The following CDK3 variants were observed in gnomAD, a reference collection of about 807,000 sequenced individuals.
CDK3 encodes the protein cyclin-dependent kinase 3.
Under a neutral mutation model 30.2 loss-of-function variants are expected in CDK3, and 24 were observed. The ratio of observed to expected loss-of-function variants is 0.79; its 90% confidence interval spans 0.57 to 1.12. The LOEUF is 1.12. CDK3 is among the 50% of genes most tolerant of loss of function. The pLI, the probability that CDK3 is intolerant of heterozygous loss-of-function variation, is 0.00. For missense variants in CDK3, 345 were observed against 376.0 expected (o/e 0.92, Z 0.68); for synonymous variants, 158 against 154.2 (o/e 1.02, Z -0.18).
chr17:76,004,869 G>A (rs564058965), intron 7 of CDK3, among the ~76,000 whole-genome samples: 2 of 152,290 alleles, frequency 1.3e-5, no homozygotes, highest in East Asian at 1.9e-4. Flanking sequence ...ACCACAGGGG[G>A]TCCTTCCACA....
intron 7 of CDK3, among the ~76,000 whole-genome samples, chr17:76,004,043 TG>T (rs2066286391): frequency 6.6e-6 from 1 of 151,938 alleles, no homozygotes; most frequent in Admixed American, 6.6e-5. Flanking sequence ...TGTGCCCGGC[TG>T]GGGCCTCTCG....
chr17:76,003,163 G>T, intron 6 of CDK3, 32 bp from the exon 7 acceptor site: 2 of 1,591,212 alleles, frequency 1.3e-6, no homozygotes, highest in Non-Finnish European at 1.7e-6. Context: ...CAAAGTGGCG[G>T]ACCCCACACC....
chr17:76,003,108 C>A, intron 6 of CDK3, 87 bp from the exon 7 acceptor site: 1 of 1,068,476 alleles, frequency 9.4e-7, no homozygotes, highest in Non-Finnish European at 1.4e-6. Flanking sequence ...CTTGACAGGC[C>A]TCTCCCTGGG....
chr17:76,002,036 TG>T lies in CDK3; in HGVS notation c.210del (p.His71ThrfsTer17). On this transcript the variant is annotated frameshift_variant, in exon 4 of 8. Coordinates refer to ENST00000448471, the MANE Select transcript of CDK3 (RefSeq NM_001258.4). LOFTEE classifies it high-confidence loss of function. The surrounding 1 kb of genome is among the most constrained non-coding windows in gnomAD (Gnocchi z 4.3). ...HPNIVRLLDVVHNERKLYLVF... is the reference protein window; with the variant it reads ...HPNIVRLLDVXHNERKLYLVF... ...CTCCCTGTCAGACTGCTGGACGTGG[TG>T]CACAACGAGAGGAAGCTCTATCTGG... 1 of 1,613,952 alleles carries T rather than the reference TG, an allele frequency of 6.2e-7. No individual in the cohort carries two copies. The highest frequency in any genetic ancestry group is 1.3e-5 in the African/African-American group (1 of 74,972).
Position 76,005,346 on chromosome 17 carries a change from C to A in CDK3, c.841C>A (p.Leu281Met). The A allele has an allele frequency of 6.2e-7, 1 of 1,614,136 alleles. No individual in the cohort carries two copies. Among genetic ancestry groups the A allele is most frequent in the Non-Finnish European group, 8.5e-7 (1 of 1,180,002 alleles). ...CCAGCGGATCACAGCCAAGACTGCCCTGGCCCACCCGTACTTCTCATCCCC... is the reference window on the plus strand; with the variant it reads ...CCAGCGGATCACAGCCAAGACTGCCATGGCCCACCCGTACTTCTCATCCCC... ...PSQRITAKTA[L>M]AHPYFSSPEP... The change falls in exon 8 of 8, where the codon CTG (leucine) becomes ATG (methionine). Residue 281 changes from leucine to methionine, a missense_variant. By Grantham distance (15) the Leu-to-Met change is conservative. Coordinates refer to ENST00000448471, the MANE Select transcript of CDK3 (RefSeq NM_001258.4). This position sits in a 1 kb window ranked among gnomAD's most constrained non-coding sequence, Gnocchi z 4.7.
Position 76,002,479 on chromosome 17 carries a change from AC to A in CDK3, c.487-29del. The A allele has an allele frequency of 6.5e-7, 1 of 1,550,360 alleles. No individual in the cohort carries two copies. Among genetic ancestry groups the A allele is most frequent in the Non-Finnish European group, 8.9e-7 (1 of 1,122,472 alleles). On this transcript the variant is annotated intron_variant, in intron 5 of 7. Coordinates refer to ENST00000448471, the MANE Select transcript of CDK3 (RefSeq NM_001258.4). The surrounding 1 kb of genome is among the most constrained non-coding windows in gnomAD (Gnocchi z 4.3). Reference sequence around the variant, plus strand: ...AGGAGTGTCACCCATGCACTCAGCCACCCTGAGTGATACTGTTTCTTTGCCC... The same window carrying A: ...AGGAGTGTCACCCATGCACTCAGCCACCTGAGTGATACTGTTTCTTTGCCC...
chr17:76,005,363 C>G lies in CDK3; in HGVS notation c.858C>G (p.Phe286Leu). 1 of 1,614,154 alleles carries G rather than the reference C, an allele frequency of 6.2e-7. No homozygotes were observed. The highest frequency in any genetic ancestry group is 8.5e-7 in the Non-Finnish European group (1 of 1,180,012). ...TAKTALAHPY[F>L]SSPEPSPAAR... Reference sequence around the variant, plus strand: ...AGACTGCCCTGGCCCACCCGTACTTCTCATCCCCTGAGCCCTCCCCAGCTG... The same window carrying G: ...AGACTGCCCTGGCCCACCCGTACTTGTCATCCCCTGAGCCCTCCCCAGCTG... Residue 286 changes from phenylalanine to leucine, a missense_variant, in exon 8 of 8, where the codon TTC becomes TTG. By Grantham distance (22) the Phe-to-Leu change is conservative. Coordinates refer to ENST00000448471, the MANE Select transcript of CDK3 (RefSeq NM_001258.4). The surrounding 1 kb of genome is among the most constrained non-coding windows in gnomAD (Gnocchi z 4.7).
chr17:76,003,499 C>G, intron 7 of CDK3, 101 bp downstream of exon 7: 1 of 914,820 alleles, frequency 1.1e-6, no homozygotes, highest in Non-Finnish European at 1.7e-6. Flanking sequence ...AGGCCAGGGT[C>G]TCTTTCCTGA....
chr17:76,005,781 G>A lies in CDK3; in HGVS notation c.*358G>A, dbSNP rs552061773. On this transcript the variant is annotated 3_prime_UTR_variant, in exon 8 of 8. Transcript: ENST00000448471. The surrounding 1 kb of genome is among the most constrained non-coding windows in gnomAD (Gnocchi z 4.7). ...AGACCCTGAGGAAAGGGCGCCCCCTGCTGGTCTTTTTGGATTTAAAATGTT... is the reference window on the plus strand; with the variant it reads ...AGACCCTGAGGAAAGGGCGCCCCCTACTGGTCTTTTTGGATTTAAAATGTT... 180 of 204,046 alleles carry A rather than the reference G, an allele frequency of 8.8e-4. 1 individual carries two copies. The highest frequency in any genetic ancestry group is 4.0e-3 in the African/African-American group (174 of 43,420). The allele number at this position is 204,046 out of a possible 1,614,324, so 12.6% of individuals were successfully genotyped here.
Position 76,001,319 on chromosome 17 carries a change from G to A in CDK3, c.-14-93G>A, listed in dbSNP as rs1380881217. The A allele has an allele frequency of 2.6e-6, 4 of 1,566,918 alleles. No individual in the cohort carries two copies. The Admixed American group carries it at 7.5e-5, about 30-fold the overall frequency. On this transcript the variant is annotated intron_variant, in intron 1 of 7. Coordinates refer to ENST00000448471, the MANE Select transcript of CDK3 (RefSeq NM_001258.4). The surrounding 1 kb of genome is among the most constrained non-coding windows in gnomAD (Gnocchi z 6.2). ...CTTGGGAGCTGGGCAGTCTGGGCTG[G>A]GCTGGGCTGGGCAGGGCGCCACATG...
At chr17:76,003,919 T>A (rs1461372230) in intron 7 of CDK3, among the ~76,000 whole-genome samples, 1 of 149,130 alleles carries the variant, frequency 6.7e-6, no homozygotes, top group Non-Finnish European at 1.5e-5. Context: ...ATTTTTGTAT[T>A]TTTTTTTTTA....
Position 76,001,218 on chromosome 17 carries a change from G to T in CDK3, c.-14-194G>T, listed in dbSNP as rs2096426613. ...CCCCCTTGGGGTCCGGGCTGGGCTG[G>T]GTGAGGGGCGGTTTCCGACCCCCAG... On this transcript the variant is annotated intron_variant, in intron 1 of 7. Transcript: ENST00000448471. This position sits in a 1 kb window ranked among gnomAD's most constrained non-coding sequence, Gnocchi z 6.2. 6.9e-7 allele frequency: 1 copy of T among 1,440,222 alleles called. No homozygotes were observed. The highest frequency in any genetic ancestry group is 1.4e-5 in the South Asian group (1 of 72,426). 89.2% of individuals were successfully genotyped at this position (1,440,222 alleles called of 1,614,324 possible).
At position 76,001,779 on chromosome 17, in the gene CDK3, C is replaced by A; in HGVS notation, c.117-95C>A. On this transcript the variant is annotated intron_variant, in intron 2 of 7. Transcript: ENST00000448471. This position sits in a 1 kb window ranked among gnomAD's most constrained non-coding sequence, Gnocchi z 6.2. ...AGGTCTCCATTGCCGGGGCCCTGGTCATTCTGTGGGGTTAAGGAGAAGCCG... is the reference window on the plus strand; with the variant it reads ...AGGTCTCCATTGCCGGGGCCCTGGTAATTCTGTGGGGTTAAGGAGAAGCCG... The A allele has an allele frequency of 1.6e-6, 2 of 1,223,530 alleles. No individual in the cohort carries two copies. The highest frequency in any genetic ancestry group is 1.4e-5 in the South Asian group (1 of 69,002). The allele number at this position is 1,223,530 out of a possible 1,614,324, so 75.8% of individuals were successfully genotyped here. A position where few individuals can be genotyped will look rare whatever the true frequency, so the allele number is the denominator to read the frequency against.
Position 76,001,077 on chromosome 17 carries a change from G to A in CDK3, c.-15+110G>A. ...GGTCTCTGACTTCCTGGGGGTTCTG[G>A]CTGGGATGGGCAGGGGGCTGGGTGG... On this transcript the variant is annotated intron_variant, in intron 1 of 7. Transcript: ENST00000448471. This position sits in a 1 kb window ranked among gnomAD's most constrained non-coding sequence, Gnocchi z 6.2. 2.6e-6 allele frequency: 3 copies of A among 1,172,346 alleles called. No homozygotes were observed. The highest frequency in any genetic ancestry group is 3.2e-6 in the Non-Finnish European group (3 of 937,808). 72.6% of individuals were successfully genotyped at this position (1,172,346 alleles called of 1,614,324 possible).
chr17:76,002,253 C>T lies in CDK3; in HGVS notation c.321C>T (p.Tyr107=). 1 of 1,612,064 alleles carries T rather than the reference C, an allele frequency of 6.2e-7. No homozygotes were observed. The highest frequency in any genetic ancestry group is 8.5e-7 in the Non-Finnish European group (1 of 1,179,926). ...CCTCGCGCTCGTTTCTCCAGAGCTACCTCTTCCAGCTGCTGCAGGGGGTGA... is the reference window on the plus strand; with the variant it reads ...CCTCGCGCTCGTTTCTCCAGAGCTATCTCTTCCAGCTGCTGCAGGGGGTGA... ...SELPLHLIKS[Y]LFQLLQGVSF... Residue 107 remains tyrosine (Y), a synonymous_variant, in exon 5 of 8, where the codon TAC becomes TAT. Transcript: ENST00000448471. This position sits in a 1 kb window ranked among gnomAD's most constrained non-coding sequence, Gnocchi z 4.3.
In CDK3 at chr17:76,005,483, C is replaced by T. The variant is rs1371624199; in HGVS notation, c.*60C>T. On this transcript the variant is annotated 3_prime_UTR_variant, in exon 8 of 8. Coordinates refer to ENST00000448471, the MANE Select transcript of CDK3 (RefSeq NM_001258.4). This position sits in a 1 kb window ranked among gnomAD's most constrained non-coding sequence, Gnocchi z 4.7. ...CAGCTGCTGCCCCAGCTGCCTCCTA[C>T]CCATTGCCAAGAGAGGATGCATCTG... 3 of 1,570,704 alleles carry T rather than the reference C, an allele frequency of 1.9e-6. No homozygotes were observed. The East Asian group carries it at 6.8e-5, about 35-fold the overall frequency.
rs2066252634 is a variant in CDK3 at position 76,000,954 on chromosome 17, G to A, written c.-28G>A. The A allele has an allele frequency of 1.8e-6, 2 of 1,085,382 alleles. No individual in the cohort carries two copies. Among genetic ancestry groups the A allele is most frequent in the African/African-American group, 1.7e-5 (1 of 59,274 alleles). 67.2% of individuals were successfully genotyped at this position (1,085,382 alleles called of 1,614,324 possible). ...CCCAGAGCCTGGGACTGGCTGGGCT[G>A]GGCAGTGACCCAGGTGGGAAAGGGT... On this transcript the variant is annotated 5_prime_UTR_variant, in exon 1 of 8. Coordinates refer to ENST00000448471, the MANE Select transcript of CDK3 (RefSeq NM_001258.4). This position sits in a 1 kb window ranked among gnomAD's most constrained non-coding sequence, Gnocchi z 5.9.
chr17:76,004,472 C>T (rs538471779), intron 7 of CDK3: 2 of 152,046 alleles, frequency 1.3e-5, no homozygotes, highest in African/African-American at 4.8e-5. Flanking sequence ...CCTCCCACCT[C>T]AGCTTCCTGA....
At chr17:76,004,790 A>G in intron 7 of CDK3, 1 of 155,972 alleles carries the variant, frequency 6.4e-6, no homozygotes, top group Non-Finnish European at 1.4e-5. Context: ...TGTGTTGTGT[A>G]CCCGCCCAAT....
Sources: allele counts gnomAD v4.1 joint callset (sites outside exome capture counted in the v4.1 genomes callset), GRCh38; gene constraint gnomAD v4.1.1; non-coding constraint Gnocchi (gnomAD v3.1); transcripts MANE v1.5; gene names NCBI Gene and HGNC (gene_info 2026-07-23, HGNC 2026-07-21).